HMGXB3: variants seen among roughly 807,000 people sequenced by gnomAD.
The protein encoded by HMGXB3 is HMG-box containing 3.
Under a neutral mutation model 121.5 loss-of-function variants are expected in HMGXB3, and 45 were observed. The observed-to-expected ratio is 0.37, with a 90% CI of 0.29 to 0.47. The LOEUF is 0.47. Ranked by LOEUF, HMGXB3 falls within the 20% of genes least tolerant of loss-of-function variation. HMGXB3 has a pLI of 0.99. For synonymous variants in HMGXB3, 590 were observed against 624.1 expected (o/e 0.95, Z 0.81); for missense variants, 1,376 against 1,602.2 (o/e 0.86, Z 2.41).
intron 4 of HMGXB3, 90 bp downstream of exon 4, chr5:150,010,698 T>C (rs948366067): frequency 2.4e-6 from 3 of 1,255,912 alleles, no homozygotes; most frequent in Non-Finnish European, 3.3e-6. Flanking sequence ...AGAGCAGTGG[T>C]AATCAAGAGT....
intron 7 of HMGXB3, 150 bp downstream of exon 7, chr5:150,024,830 A>G (rs1185651716): frequency 4.5e-6 from 3 of 665,568 alleles, no homozygotes; most frequent in Non-Finnish European, 4.9e-6. Flanking sequence ...AGAGATATAT[A>G]AAGATTGTCC....
At position 150,041,707 on chromosome 5, in the gene HMGXB3, T is replaced by G. The variant is rs917777518; in HGVS notation, c.2546-78T>G. 2.0e-5 allele frequency: 21 copies of G among 1,047,550 alleles called. No individual in the cohort carries two copies. The African/African-American group carries it at 3.0e-4, about 15-fold the overall frequency. The allele number at this position is 1,047,550 out of a possible 1,614,324, so 64.9% of individuals were successfully genotyped here. A position where few individuals can be genotyped will look rare whatever the true frequency, so the allele number is the denominator to read the frequency against. ...AATCAGTCTGGCAGAATTGCTCTAC[T>G]TACTACCCACTGGCTCATCCCTAGT... On this transcript the variant is annotated intron_variant, in intron 14 of 19. Transcript: ENST00000502717.
intron 1 of HMGXB3, among the ~76,000 whole-genome samples, chr5:150,003,762 G>A (rs977566366): frequency 5.3e-5 from 8 of 151,700 alleles, no homozygotes; most frequent in Non-Finnish European, 7.4e-5. Context: ...CCAGGATTTT[G>A]AGACCAGCCT....
chr5:150,032,289 AAG>A (rs1171477345), intron 10 of HMGXB3, among the ~76,000 whole-genome samples, 163 bp from the exon 11 acceptor site: 1 of 152,232 alleles, frequency 6.6e-6, no homozygotes, highest in East Asian at 1.9e-4. Context: ...TTAAAAGTAA[AAG>A]AGTTAACTGC....
At chr5:150,009,849 T>C (rs1386071156) in intron 3 of HMGXB3, among the ~76,000 whole-genome samples, 1 of 152,156 alleles carries the variant, frequency 6.6e-6, no homozygotes, top group Non-Finnish European at 1.5e-5. Context: ...AGACCAGTGC[T>C]CTTTCCAGAG....
Position 150,024,640 on chromosome 5 carries a change from A to G in HMGXB3, c.1420A>G (p.Ser474Gly), listed in dbSNP as rs954038299. The G allele has an allele frequency of 5.3e-5, 83 of 1,551,410 alleles. No individual in the cohort carries two copies. The highest frequency in any genetic ancestry group is 4.4e-5 in the Non-Finnish European group (51 of 1,146,826). Reference protein sequence around the residue: ...ADVPTPSEGTSTSSPLPAPKK... With the variant: ...ADVPTPSEGTGTSSPLPAPKK... Reference sequence around the variant, plus strand: ...CGTACCAACACCATCCGAGGGGACAAGTACCTCCAGTCCACTCCCTGCTCC... The same window carrying G: ...CGTACCAACACCATCCGAGGGGACAGGTACCTCCAGTCCACTCCCTGCTCC... The change falls in exon 7 of 20, where the codon AGT becomes GGT. Residue 474 changes from serine to glycine, a missense_variant. Around this residue, in one of 2 missense-constraint regions of HMGXB3, gnomAD observed 1,116 missense variants for 1,369.0 expected, o/e 0.82. Transcript: ENST00000502717.
In HMGXB3 at chr5:150,045,711, G is replaced by T. The variant is rs1053958159; in HGVS notation, c.2950+26G>T. On this transcript the variant is annotated intron_variant, in intron 16 of 19. Coordinates refer to ENST00000502717, the MANE Select transcript of HMGXB3 (RefSeq NM_014983.3). ...GTAAGGCCACCTGGTGGCTGACTGG[G>T]GTCAAAAAAGGGCTCAGTCAAGAGT... is the stretch of plus-strand genomic sequence containing the variant. 2.0e-6 allele frequency: 3 copies of T among 1,523,306 alleles called. No individual in the cohort carries two copies. In the African/African-American group the frequency reaches 4.2e-5, roughly 21 times the overall value. 94.4% of individuals were successfully genotyped at this position (1,523,306 alleles called of 1,614,324 possible).
chr5:150,015,862 A>G (rs1755948608), intron 5 of HMGXB3, among the ~76,000 whole-genome samples: 1 of 152,178 alleles, frequency 6.6e-6, no homozygotes, highest in Admixed American at 6.5e-5. Flanking sequence ...ATCCCTTTAA[A>G]TTTATTGAGA....
intron 5 of HMGXB3, 44 bp from the exon 6 acceptor site, chr5:150,018,522 G>T: frequency 6.8e-7 from 1 of 1,478,956 alleles, no homozygotes; most frequent in Non-Finnish European, 9.0e-7. Context: ...TCATCAGTCT[G>T]AGAGAGGTTG....
chr5:150,018,544 C>T (rs1339160485), intron 5 of HMGXB3, 22 bp from the exon 6 acceptor site: 2 of 1,518,120 alleles, frequency 1.3e-6, no homozygotes, highest in African/African-American at 2.8e-5. Flanking sequence ...TCTATTGATT[C>T]TGATGTGCTC....
chr5:150,008,340 T>C (rs1755756587), intron 3 of HMGXB3, among the ~76,000 whole-genome samples: 2 of 152,184 alleles, frequency 1.3e-5, no homozygotes, highest in Admixed American at 1.3e-4. Flanking sequence ...TGAGTCTTGG[T>C]TTCCTCATCT....
chr5:150,052,325 G>A lies in HMGXB3; in HGVS notation c.*133G>A. The A allele has an allele frequency of 7.1e-6, 5 of 704,234 alleles. No individual in the cohort carries two copies. The highest frequency in any genetic ancestry group is 1.8e-5 in the African/African-American group (1 of 55,938). The allele number at this position is 704,234 out of a possible 1,614,324, so 43.6% of individuals were successfully genotyped here. On this transcript the variant is annotated 3_prime_UTR_variant, in exon 20 of 20. Coordinates refer to ENST00000502717, the MANE Select transcript of HMGXB3 (RefSeq NM_014983.3). Reference sequence around the variant, plus strand: ...CCTCTGACTGCTGGGACTGACCAAAGAGCTTCCATTCCCTGAGCATGGTGG... The same window carrying A: ...CCTCTGACTGCTGGGACTGACCAAAAAGCTTCCATTCCCTGAGCATGGTGG...
chr5:150,046,286 A>G (rs1756752763), intron 16 of HMGXB3, among the ~76,000 whole-genome samples: 1 of 152,248 alleles, frequency 6.6e-6, no homozygotes, highest in African/African-American at 2.4e-5. Flanking sequence ...GGTTAGAGTG[A>G]TAGCCGCCTT....
chr5:150,011,573 G>T (rs191793389), intron 4 of HMGXB3, among the ~76,000 whole-genome samples: 103 of 151,514 alleles, frequency 6.8e-4, no homozygotes, highest in Admixed American at 1.6e-3. Context: ...GCAACTAGCC[G>T]GTTGTTGTTG....
At chr5:150,028,531 G>A (rs1440674491) in intron 9 of HMGXB3, among the ~76,000 whole-genome samples, 46 of 63,036 alleles carry the variant, frequency 7.3e-4, no homozygotes, top group African/African-American at 4.1e-3. Context: ...GTGTGTGTGT[G>A]TGTGTGTGTG....
Position 150,024,402 on chromosome 5 carries a change from G to T in HMGXB3, c.1182G>T (p.Ser394=), listed in dbSNP as rs558708783. The change falls in exon 7 of 20, where the codon TCG becomes TCT. Residue 394 remains serine (S), a synonymous_variant. Transcript: ENST00000502717. ...CCTCCAAACTGACTCTGGAGAATTC[G>T]GAAGCTGTAAGCCAGCTCCTGAACG... ...ENASKLTLEN[S]EAVSQLLNVA... 6.4e-7 allele frequency: 1 copy of T among 1,551,704 alleles called. No homozygotes were observed. Among genetic ancestry groups the T allele is most frequent in the Non-Finnish European group, 8.7e-7 (1 of 1,146,994 alleles).
intron 6 of HMGXB3, among the ~76,000 whole-genome samples, chr5:150,020,605 T>G (rs1201431486): frequency 6.6e-6 from 1 of 152,206 alleles, no homozygotes; most frequent in African/African-American, 2.4e-5. Flanking sequence ...ACTTTTTTTT[T>G]TGGGACAGAG....
intron 7 of HMGXB3, among the ~76,000 whole-genome samples, chr5:150,025,892 G>A (rs928660580): frequency 2.0e-5 from 3 of 151,250 alleles, no homozygotes; most frequent in Admixed American, 6.6e-5. Flanking sequence ...CTGGAGTGGC[G>A]CCATCTCGTC....
rs1756933116 is a variant in HMGXB3 at position 150,052,223 on chromosome 5, T to C, written c.*31T>C. On this transcript the variant is annotated 3_prime_UTR_variant, in exon 20 of 20. Transcript: ENST00000502717. ...GCTGTTGTACAGGGACTACACCATCTCTCAAGCCATAGTAAGGCCCTTGCC... is the reference window on the plus strand; with the variant it reads ...GCTGTTGTACAGGGACTACACCATCCCTCAAGCCATAGTAAGGCCCTTGCC... 2.0e-6 allele frequency: 3 copies of C among 1,479,154 alleles called. No homozygotes were observed. The South Asian group carries it at 3.8e-5, about 19-fold the overall frequency. 91.6% of individuals were successfully genotyped at this position (1,479,154 alleles called of 1,614,324 possible).
Sources: allele counts gnomAD v4.1 joint callset (sites outside exome capture counted in the v4.1 genomes callset), GRCh38; gene constraint gnomAD v4.1.1; regional missense constraint gnomAD v4.1.1; transcripts MANE v1.5; gene names NCBI Gene and HGNC (gene_info 2026-07-23, HGNC 2026-07-21).